The following LAX1 variants were observed in gnomAD, a reference collection of about 807,000 sequenced individuals.
LAX1 encodes lymphocyte transmembrane adapter 1.
A neutral mutation model predicts 20.7 loss-of-function variants in LAX1; 17 were observed. The ratio of observed to expected loss-of-function variants is 0.82; its 90% CI spans 0.56 to 1.23. The LOEUF (loss-of-function observed/expected upper bound fraction) is 1.23, where lower values mean the gene tolerates loss of function less well. LAX1 is among the 50% of genes most tolerant of loss of function. LAX1 has a pLI of 0.00. For synonymous variants in LAX1, 165 were observed against 181.0 expected (o/e 0.91, Z 0.71); for missense variants, 470 against 487.0 (o/e 0.97, Z 0.33).
rs12037845 is a variant in LAX1 at position 203,774,672 on chromosome 1, T to C, written c.1188T>C (p.Pro396=). The change falls in exon 5 of 5, where the codon CCT becomes CCC. Residue 396 remains proline, a synonymous_variant. Transcript: ENST00000442561. The stretch of plus-strand genomic sequence containing the variant: ...AGGGGCCTGGCACTCAGCTCCTTCC[T>C]GATGAATGAAGACCCAGGTACCCAG... ...SEQGPGTQLL[P]DE The C allele has an allele frequency of 1.7e-4, 272 of 1,613,352 alleles. 2 individuals carry two copies. In the East Asian group the frequency reaches 6.0e-3, roughly 36 times the overall value.
At chr1:203,771,264 C>A (rs1250085765) in intron 2 of LAX1, 103 bp from the exon 3 acceptor site, 3 of 805,882 alleles carry the variant, frequency 3.7e-6, no homozygotes, top group African/African-American at 1.7e-5. Flanking sequence ...TGAGAACTGG[C>A]AAGGATGGGG....
At chr1:203,773,418 C>A (rs773888190) in intron 4 of LAX1, among the ~76,000 whole-genome samples, 2 of 152,124 alleles carry the variant, frequency 1.3e-5, no homozygotes, top group Non-Finnish European at 2.9e-5. Context: ...TGCTCTACTG[C>A]ACTCCAGCTT....
Position 203,774,677 on chromosome 1 carries a change from A to G in LAX1, c.1193A>G (p.Glu398Gly). Residue 398 changes from glutamate (E) to glycine (G), a missense_variant, in exon 5 of 5, where the codon GAA (glutamate) becomes GGA (glycine). Physicochemically the swap from Glu to Gly is moderately conservative, Grantham distance 98 (BLOSUM62 -2). Coordinates refer to ENST00000442561, the MANE Select transcript of LAX1 (RefSeq NM_017773.4). ...CCTGGCACTCAGCTCCTTCCTGATGAATGAAGACCCAGGTACCCAGCCATA... is the reference window on the plus strand; with the variant it reads ...CCTGGCACTCAGCTCCTTCCTGATGGATGAAGACCCAGGTACCCAGCCATA... ...QGPGTQLLPD[E>G] 1 of 1,613,048 alleles carries G rather than the reference A, an allele frequency of 6.2e-7. No individual in the cohort carries two copies. Among genetic ancestry groups the G allele is most frequent in the Non-Finnish European group, 8.5e-7 (1 of 1,179,546 alleles).
chr1:203,766,856 T>G (rs1041030630), intron 1 of LAX1, among the ~76,000 whole-genome samples: 3 of 152,050 alleles, frequency 2.0e-5, no homozygotes, highest in Non-Finnish European at 2.9e-5. Flanking sequence ...TTGTTTGTTT[T>G]TTTTATTTTT....
intron 1 of LAX1, chr1:203,769,776 G>GGT (rs1667372026): frequency 1.3e-5 from 2 of 152,436 alleles, no homozygotes; most frequent in Non-Finnish European, 2.9e-5. Flanking sequence ...ATTGGTGCGG[G>GGT]GGGGGGGGCG....
At position 203,775,922 on chromosome 1, in the gene LAX1, G is replaced by A. The variant is rs1437071323; in HGVS notation, c.*1241G>A. 1 of 152,272 alleles carries A rather than the reference G, an allele frequency of 6.6e-6. No individual in the cohort carries two copies. The highest frequency in any genetic ancestry group is 1.5e-5 in the Non-Finnish European group (1 of 68,114). 9.4% of individuals were successfully genotyped at this position (152,272 alleles called of 1,614,324 possible). A position where few individuals can be genotyped will look rare whatever the true frequency, so the allele number is the denominator to read the frequency against. ...TTGTTGTCAGGTTTGAGAAAAGGAG[G>A]GAAGTTTGCTACAAAGGGGCTGCAA... On this transcript the variant is annotated 3_prime_UTR_variant, in exon 5 of 5. Coordinates refer to ENST00000442561, the MANE Select transcript of LAX1 (RefSeq NM_017773.4).
Position 203,770,886 on chromosome 1 carries a change from C to T in LAX1, c.148C>T (p.Leu50=). 1 of 1,614,240 alleles carries T rather than the reference C, an allele frequency of 6.2e-7. No homozygotes were observed. The highest frequency in any genetic ancestry group is 1.1e-5 in the South Asian group (1 of 91,090). The change falls in exon 2 of 5, where the codon CTG becomes TTG. Residue 50 remains leucine (L), a synonymous_variant. Transcript: ENST00000442561. ...SGFAGLLAIL[L]VVAVFCILWN... ...GTTTGCGGGACTCCTCGCCATCCTC[C>T]TGGTCGTTGCGGTTTTCTGCATCTT...
In LAX1 at chr1:203,765,466, G is replaced by A. The variant is rs1667289320; in HGVS notation, c.-100G>A. On this transcript the variant is annotated 5_prime_UTR_variant, in exon 1 of 5. Coordinates refer to ENST00000442561, the MANE Select transcript of LAX1 (RefSeq NM_017773.4). ...GTAGACACGAGATAGGGAGTTTGTT[G>A]CGGGGGTGGGGAGAAGTGGTAGACA... The A allele has an allele frequency of 1.9e-6, 3 of 1,567,062 alleles. No individual in the cohort carries two copies. The highest frequency in any genetic ancestry group is 1.7e-6 in the Non-Finnish European group (2 of 1,153,838).
intron 1 of LAX1, among the ~76,000 whole-genome samples, chr1:203,767,895 C>T (rs888117023): frequency 3.3e-5 from 5 of 151,928 alleles, no homozygotes; most frequent in African/African-American, 2.4e-5. Context: ...TAGACCAAGG[C>T]AGGAGGATCA....
In LAX1 at chr1:203,772,072, A is replaced by C. The variant is rs769733747; in HGVS notation, c.315A>C (p.Arg105Ser). 1 of 1,613,326 alleles carries C rather than the reference A, an allele frequency of 6.2e-7. No individual in the cohort carries two copies. The highest frequency in any genetic ancestry group is 1.7e-5 in the Admixed American group (1 of 60,020). Residue 105 changes from arginine to serine, a missense_variant, in exon 4 of 5, where the codon AGA becomes AGC. By Grantham distance (110) the Arg-to-Ser change is moderately radical. Coordinates refer to ENST00000442561, the MANE Select transcript of LAX1 (RefSeq NM_017773.4). ...ATTTGTTCTCTGTCCTTTCAGGGAG[A>C]CATGAGTCGAGGAGTATGCGCATTT... ...ILPWRQEDLGRHESRSMRIFS... is the reference protein window; with the variant it reads ...ILPWRQEDLGSHESRSMRIFS...
Position 203,765,236 on chromosome 1 carries a change from C to A in LAX1, c.-330C>A. On this transcript the variant is annotated 5_prime_UTR_variant, in exon 1 of 5. Transcript: ENST00000442561. ...AGCTTCTCACGGAGCCTCTCTTGAG[C>A]CTCTTGGCAGTTTCCCCCTCTGTGC... 4.1e-6 allele frequency: 4 copies of A among 986,216 alleles called. No individual in the cohort carries two copies. The highest frequency in any genetic ancestry group is 1.4e-5 in the South Asian group (1 of 71,072). 61.1% of individuals were successfully genotyped at this position (986,216 alleles called of 1,614,324 possible). A position where few individuals can be genotyped will look rare whatever the true frequency, so the allele number is the denominator to read the frequency against.
At position 203,772,107 on chromosome 1, in the gene LAX1, A is replaced by G; in HGVS notation, c.350A>G (p.Glu117Gly). 1 of 1,614,160 alleles carries G rather than the reference A, an allele frequency of 6.2e-7. No homozygotes were observed. The highest frequency in any genetic ancestry group is 8.5e-7 in the Non-Finnish European group (1 of 1,179,972). ...ESRSMRIFSTESLLSRNSESP... is the reference protein window; with the variant it reads ...ESRSMRIFSTGSLLSRNSESP... ...AGGAGTATGCGCATTTTCAGTACTG[A>G]GAGCCTCCTCTCCAGAAATTCTGAG... The change falls in exon 4 of 5, where the codon GAG becomes GGG. Residue 117 changes from glutamate (E) to glycine (G), a missense_variant. Glu to Gly is a moderately conservative substitution (Grantham distance 98). Transcript: ENST00000442561.
At position 203,775,563 on chromosome 1, in the gene LAX1, A is replaced by T. The variant is rs1383804770; in HGVS notation, c.*882A>T. On this transcript the variant is annotated 3_prime_UTR_variant, in exon 5 of 5. Coordinates refer to ENST00000442561, the MANE Select transcript of LAX1 (RefSeq NM_017773.4). ...ACTTATCATATGGCCCAGCCATTTC[A>T]CTACTAGAAATTGACGCAAGTGAAC... is the stretch of plus-strand genomic sequence containing the variant. The T allele has an allele frequency of 1.3e-5, 2 of 152,188 alleles. No homozygotes were observed. Among genetic ancestry groups the T allele is most frequent in the African/African-American group, 4.8e-5 (2 of 41,458 alleles). The allele number at this position is 152,188 out of a possible 1,614,324, so 9.4% of individuals were successfully genotyped here. A position where few individuals can be genotyped will look rare whatever the true frequency, so the allele number is the denominator to read the frequency against.
At position 203,773,890 on chromosome 1, in the gene LAX1, A is replaced by G; in HGVS notation, c.406A>G (p.Asn136Asp). The change falls in exon 5 of 5, where the codon AAT (asparagine) becomes GAT (aspartate). Residue 136 changes from asparagine to aspartate, a missense_variant. Transcript: ENST00000442561. ...TTCTTCATAGCCCTCCCAAGCAGGC[A>G]ATGCCTTCCAGGAGCATACAGCCCA... The part of the protein sequence containing the change: ...SPEHVPSQAG[N>D]AFQEHTAHIH... The G allele has an allele frequency of 1.2e-6, 2 of 1,609,680 alleles. No homozygotes were observed. The highest frequency in any genetic ancestry group is 1.7e-6 in the Non-Finnish European group (2 of 1,178,122).
In LAX1 at chr1:203,770,471, A is replaced by AGAG. The variant is rs1558070731; in HGVS notation, c.90-357_90-356insGAG. ...AGAGAGAGAAAGGAAGGAAGGAAGG[A>AGAG]AGGAAGGAAGGAAGGAAGGAAGGAA... On this transcript the variant is annotated intron_variant, in intron 1 of 4. Coordinates refer to ENST00000442561, the MANE Select transcript of LAX1 (RefSeq NM_017773.4). 1.9e-3 allele frequency among the ~76,000 whole-genome samples: 27 copies of AGAG among 13,920 alleles called. 6 individuals carry two copies. The highest frequency in any genetic ancestry group is 0.01 in the South Asian group (3 of 286). 9.1% of individuals were successfully genotyped at this position (13,920 alleles called of 152,430 possible). A position where few individuals can be genotyped will look rare whatever the true frequency, so the allele number is the denominator to read the frequency against.
Position 203,765,532 on chromosome 1 carries a change from G to A in LAX1, c.-34G>A. The A allele has an allele frequency of 6.2e-7, 1 of 1,613,742 alleles. No homozygotes were observed. The highest frequency in any genetic ancestry group is 8.5e-7 in the Non-Finnish European group (1 of 1,179,864). On this transcript the variant is annotated 5_prime_UTR_variant, in exon 1 of 5. Coordinates refer to ENST00000442561, the MANE Select transcript of LAX1 (RefSeq NM_017773.4). ...TATGATTAAGAGAAACTTAGAAGCT[G>A]AAGCCAGAGAGCATCTCAAAGGTTC...
At chr1:203,768,786 G>A (rs1667346555) in intron 1 of LAX1, among the ~76,000 whole-genome samples, 2 of 152,184 alleles carry the variant, frequency 1.3e-5, no homozygotes, top group Admixed American at 1.3e-4. Flanking sequence ...TTAAAGCAAG[G>A]AGACCATCCA....
chr1:203,765,293 G>T lies in LAX1; in HGVS notation c.-273G>T. On this transcript the variant is annotated 5_prime_UTR_variant, in exon 1 of 5. Transcript: ENST00000442561. The stretch of plus-strand genomic sequence containing the variant: ...CGTTTCCACCAGAAACGTGAAGGCA[G>T]AGGCCACAGATTCTCCCTGAGCCAC... 4.6e-6 allele frequency: 7 copies of T among 1,512,666 alleles called. No homozygotes were observed. Among genetic ancestry groups the T allele is most frequent in the Non-Finnish European group, 6.3e-6 (7 of 1,111,668 alleles). 93.7% of individuals were successfully genotyped at this position (1,512,666 alleles called of 1,614,324 possible). A position where few individuals can be genotyped will look rare whatever the true frequency, so the allele number is the denominator to read the frequency against.
Position 203,774,747 on chromosome 1 carries a change from G to A in LAX1, c.*66G>A. The A allele has an allele frequency of 3.8e-6, 5 of 1,324,682 alleles. No homozygotes were observed. The South Asian group carries it at 5.3e-5, about 14-fold the overall frequency. 82.1% of individuals were successfully genotyped at this position (1,324,682 alleles called of 1,614,324 possible). ...ATCCCATAGGATTGACTACTGCAGA[G>A]TCTAGTGCAGACCCGTGATCACCTT... On this transcript the variant is annotated 3_prime_UTR_variant, in exon 5 of 5. Coordinates refer to ENST00000442561, the MANE Select transcript of LAX1 (RefSeq NM_017773.4).
Sources: gnomAD v4.1 joint callset for allele counts (sites outside exome capture counted in the v4.1 genomes callset) on GRCh38, gnomAD v4.1.1 for gene constraint, MANE v1.5 for transcripts, NCBI Gene and HGNC (gene_info 2026-07-23, HGNC 2026-07-21) for gene names.